The following GDPD4 variants were observed in gnomAD, a reference collection of about 807,000 sequenced individuals.
The protein encoded by GDPD4 is glycerophosphodiester phosphodiesterase domain containing 4.
In GDPD4, 60 loss-of-function variants were observed where a neutral mutation model predicts 67.8. The observed-to-expected ratio is 0.88, with a 90% CI of 0.72 to 1.10. GDPD4 has a LOEUF of 1.10. Ranked by LOEUF, GDPD4 falls within the 50% of genes least tolerant of loss-of-function variation. The probability of loss-of-function intolerance (pLI) is 0.00; values close to 1 mark genes in which losing one functional copy is unlikely to be tolerated. For missense variants in GDPD4, 623 were observed against 613.9 expected, an observed-to-expected ratio of 1.01 and a Z score of -0.16; for synonymous variants, 212 against 210.9, an observed-to-expected ratio of 1.00 and a Z score of -0.04.
At chr11:77,235,277 A>G (rs1182915521) in intron 13 of GDPD4, among the ~76,000 whole-genome samples, 1 of 152,004 alleles carries the variant, frequency 6.6e-6, no homozygotes, top group Non-Finnish European at 1.5e-5. Flanking sequence ...TCTCCCTCAA[A>G]TAGATCTGTA....
rs1376941333 is a variant in GDPD4, at chr11:77,227,197, T to C, written c.1525+667A>G. The stretch of plus-strand genomic sequence containing the variant: ...CATCCCTTCCCCTTACTAAGCCTAA[T>C]TCACTTCCTCAGCCCTTTACACAGA... On this transcript the variant is annotated intron_variant, in intron 16 of 16. Coordinates refer to ENST00000315938, the MANE Select transcript of GDPD4 (RefSeq NM_182833.3). Among the ~76,000 whole-genome samples the C allele has an allele frequency of 2.6e-5, 4 of 152,206 alleles. No individual in the cohort carries two copies. The East Asian group carries it at 7.7e-4, about 29-fold the overall frequency.
chr11:77,254,317 C>T (rs1958961552), intron 11 of GDPD4, among the ~76,000 whole-genome samples: 1 of 152,186 alleles, frequency 6.6e-6, no homozygotes, highest in South Asian at 2.1e-4. Context: ...CCTGGCTGAT[C>T]TCAGCTGGGG....
intron 1 of GDPD4, among the ~76,000 whole-genome samples, chr11:77,300,690 T>C (rs751929581): frequency 3.2e-4 from 48 of 152,172 alleles, no homozygotes; most frequent in Non-Finnish European, 6.0e-4. Context: ...TCACAATTGG[T>C]TTTAATAAAC....
chr11:77,227,453 T>G (rs1463617083), intron 16 of GDPD4, among the ~76,000 whole-genome samples: 1 of 152,218 alleles, frequency 6.6e-6, no homozygotes, highest in African/African-American at 2.4e-5. Flanking sequence ...ATGTCAATGC[T>G]ATACTTTTGC....
In GDPD4 at chr11:77,276,696, T is replaced by C. The variant is rs537014024; in HGVS notation, c.148-476A>G. ...TCAACCACTGTTGTTAACACTGGTA[T>C]AGATTCAACAAATCTTGGATTTTAA... On this transcript the variant is annotated intron_variant, in intron 4 of 16. Transcript: ENST00000315938. Among the ~76,000 whole-genome samples the C allele has an allele frequency of 4.1e-4, 62 of 152,316 alleles. 1 individual carries two copies. The highest frequency in any genetic ancestry group is 1.4e-3 in the African/African-American group (58 of 41,572).
chr11:77,235,706 A>G (rs1490834574), intron 13 of GDPD4, among the ~76,000 whole-genome samples: 1 of 152,194 alleles, frequency 6.6e-6, no homozygotes, highest in Non-Finnish European at 1.5e-5. Flanking sequence ...TATAATCCCA[A>G]TGCTTTCGGA....
rs1803815905 is a variant in GDPD4, at chr11:77,216,884, A to ACAT, written c.*390_*392dup. 1.5e-6 allele frequency: 1 copy of ACAT among 679,870 alleles called. No individual in the cohort carries two copies. The highest frequency in any genetic ancestry group is 2.7e-6 in the Non-Finnish European group (1 of 374,634). The allele number at this position is 679,870 out of a possible 1,614,324, so 42.1% of individuals were successfully genotyped here. A position where few individuals can be genotyped will look rare whatever the true frequency, so the allele number is the denominator to read the frequency against. On this transcript the variant is annotated 3_prime_UTR_variant, in exon 17 of 17. Coordinates refer to ENST00000315938, the MANE Select transcript of GDPD4 (RefSeq NM_182833.3). The stretch of plus-strand genomic sequence containing the variant: ...GTCAGATGCAATGGAATATATTGTG[A>ACAT]CATAGGATTATTTGGAGTATTCAGC...
At chr11:77,218,088 G>A (rs1958158415) in intron 16 of GDPD4, among the ~76,000 whole-genome samples, 1 of 134,574 alleles carries the variant, frequency 7.4e-6, no homozygotes, top group Admixed American at 8.2e-5. Flanking sequence ...CTACAAACAT[G>A]AGCTTCCATT....
In GDPD4 at chr11:77,285,084, CCAGT is replaced by C. The variant is rs763907922; in HGVS notation, c.50_53del (p.Asp17GlyfsTer5). On this transcript the variant is annotated frameshift_variant and splice_region_variant, in exon 3 of 17. Coordinates refer to ENST00000315938, the MANE Select transcript of GDPD4 (RefSeq NM_182833.3). LOFTEE classifies it high-confidence loss of function. The stretch of plus-strand genomic sequence containing the variant: ...ATGAAACTACAAAAAGTGAAACTCA[CCAGT>C]CAAAGTTAAAGTATTCACTGGATGT... 24 of 1,607,112 alleles carry C rather than the reference CCAGT, an allele frequency of 1.5e-5. No homozygotes were observed. The highest frequency in any genetic ancestry group is 3.3e-4 in the Middle Eastern group (2 of 6,048).
chr11:77,288,593 C>A (rs1355019625), intron 1 of GDPD4, among the ~76,000 whole-genome samples: 1 of 152,106 alleles, frequency 6.6e-6, no homozygotes, highest in African/African-American at 2.4e-5. Context: ...ACTGCATGAA[C>A]CCAGAATAAA....
chr11:77,271,524 T>C (rs1442950609), intron 5 of GDPD4, 131 bp from the exon 6 acceptor site: 1 of 626,638 alleles, frequency 1.6e-6, no homozygotes, highest in Non-Finnish European at 2.8e-6. Flanking sequence ...ACCATAATAA[T>C]GTAGAGAAAG....
intron 3 of GDPD4, among the ~76,000 whole-genome samples, chr11:77,284,501 G>A (rs1210002492): frequency 1.3e-5 from 2 of 152,146 alleles, no homozygotes; most frequent in East Asian, 1.9e-4. Context: ...CCCCATATCC[G>A]AACAGATCCT....
chr11:77,228,195 A>G (rs1958379743), intron 15 of GDPD4, among the ~76,000 whole-genome samples: 1 of 151,658 alleles, frequency 6.6e-6, no homozygotes, highest in Non-Finnish European at 1.5e-5. Flanking sequence ...TCTACTAAAA[A>G]TACAAAAATT....
intron 11 of GDPD4, among the ~76,000 whole-genome samples, chr11:77,248,072 GA>G (rs1246620706): frequency 1.6e-5 from 2 of 121,372 alleles, no homozygotes; most frequent in African/African-American, 5.8e-5. Context: ...AAAAAAAAAA[GA>G]AAAGAAAGAA....
chr11:77,276,817 G>C (rs920857126), intron 4 of GDPD4, among the ~76,000 whole-genome samples: 3 of 151,950 alleles, frequency 2.0e-5, no homozygotes, highest in Non-Finnish European at 4.4e-5. Context: ...TGATGTGTAA[G>C]GCACTTACCT....
chr11:77,235,226 G>A (rs1327882457), intron 13 of GDPD4, among the ~76,000 whole-genome samples: 1 of 151,964 alleles, frequency 6.6e-6, no homozygotes, highest in East Asian at 1.9e-4. Flanking sequence ...AGTGACATAT[G>A]TGTTCATGGA....
intron 13 of GDPD4, among the ~76,000 whole-genome samples, chr11:77,236,602 G>A (rs1373365948): frequency 1.3e-5 from 2 of 152,080 alleles, no homozygotes; most frequent in African/African-American, 4.8e-5. Context: ...ACAAGAAAAA[G>A]TAAACTTTAG....
At chr11:77,277,182 A>G (rs1220669159) in intron 4 of GDPD4, among the ~76,000 whole-genome samples, 5 of 151,588 alleles carry the variant, frequency 3.3e-5, no homozygotes, top group South Asian at 4.2e-4. Flanking sequence ...CAGTGGTCAG[A>G]GTTTGCCCTA....
chr11:77,222,922 G>C (rs559686407), intron 16 of GDPD4, among the ~76,000 whole-genome samples: 13 of 152,082 alleles, frequency 8.5e-5, no homozygotes, highest in Non-Finnish European at 1.8e-4. Context: ...TGGAGGCTTT[G>C]TTCATTTCTT....
Sources: gnomAD v4.1 joint callset for allele counts (sites outside exome capture counted in the v4.1 genomes callset) on GRCh38, gnomAD v4.1.1 for gene constraint, MANE v1.5 for transcripts, NCBI Gene and HGNC (gene_info 2026-07-23, HGNC 2026-07-21) for gene names.